The following CAPRIN1 variants were observed in gnomAD, a reference collection of about 807,000 sequenced individuals.
CAPRIN1 encodes the protein cell cycle associated protein 1.
Under a neutral mutation model 100.9 loss-of-function variants are expected in CAPRIN1, and 29 were observed. The observed-to-expected ratio is 0.29, with a 90% CI of 0.21 to 0.39. CAPRIN1 has a LOEUF of 0.39. Among genes scored for constraint, CAPRIN1 ranks in the 10% least tolerant of loss-of-function variants. The pLI, the probability that CAPRIN1 is intolerant of heterozygous loss-of-function variation, is 1.00. For synonymous variants in CAPRIN1, 338 were observed against 307.5 expected, an observed-to-expected ratio of 1.10 and a Z score of -1.04; for missense variants, 795 against 876.7, an observed-to-expected ratio of 0.91 and a Z score of 1.18.
intron 18 of CAPRIN1, chr11:34,098,955 G>A: frequency 9.0e-7 from 1 of 1,113,092 alleles, no homozygotes; most frequent in Non-Finnish European, 1.1e-6. Context: ...TAAGCTCCAT[G>A]AGAGCAGGTA....
intron 2 of CAPRIN1, among the ~76,000 whole-genome samples, chr11:34,066,396 C>T (rs148936021): frequency 0.083 from 12,462 of 150,828 alleles, 522 homozygotes; most frequent in Non-Finnish European, 0.092. Flanking sequence ...TGCAGTGGCA[C>T]GATCTTGGCT....
At chr11:34,091,063 G>T (rs925193671) in intron 14 of CAPRIN1, among the ~76,000 whole-genome samples, 34 of 152,228 alleles carry the variant, frequency 2.2e-4, no homozygotes, top group African/African-American at 7.5e-4. Context: ...CAGATGTTAT[G>T]CTTTACCTTG....
intron 15 of CAPRIN1, among the ~76,000 whole-genome samples, chr11:34,094,831 A>G (rs1851337224): frequency 6.6e-6 from 1 of 151,920 alleles, no homozygotes; most frequent in African/African-American, 2.4e-5. Flanking sequence ...AATAAAATAA[A>G]GATCACACTT....
intron 2 of CAPRIN1, among the ~76,000 whole-genome samples, chr11:34,063,672 C>T (rs1850627662): frequency 6.6e-6 from 1 of 152,052 alleles, no homozygotes; most frequent in Admixed American, 6.6e-5. Flanking sequence ...CATATGTGTG[C>T]TGTAAATGGA....
intron 7 of CAPRIN1, among the ~76,000 whole-genome samples, chr11:34,080,107 T>C (rs1850994755): frequency 6.6e-6 from 1 of 151,980 alleles, no homozygotes; most frequent in Admixed American, 6.5e-5. Flanking sequence ...GAATTTTTAG[T>C]AAAGACGGGG....
chr11:34,053,330 G>A (rs751796850), intron 2 of CAPRIN1: 2 of 191,554 alleles, frequency 1.0e-5, no homozygotes, highest in Non-Finnish European at 1.9e-5. Context: ...TCAATCGCGA[G>A]ATGATTTTCT....
chr11:34,079,904 AGTTTTTTTTTTT>A, intron 7 of CAPRIN1, 139 bp downstream of exon 7: 3 of 496,814 alleles, frequency 6.0e-6, no homozygotes, highest in Non-Finnish European at 9.4e-6. Context: ...AGCATGACAA[AGTTTTTTTTTTT>A]TTTTTTTTTT....
At chr11:34,090,130 G>C (rs1377525493) in intron 12 of CAPRIN1, 49 bp from the exon 13 acceptor site, 4 of 1,222,810 alleles carry the variant, frequency 3.3e-6, no homozygotes, top group Non-Finnish European at 4.8e-6. Context: ...TTTTTTAACA[G>C]TCAATTTTGT....
intron 2 of CAPRIN1, among the ~76,000 whole-genome samples, chr11:34,064,148 G>A (rs1359873846): frequency 6.6e-6 from 1 of 152,116 alleles, no homozygotes; most frequent in East Asian, 1.9e-4. Flanking sequence ...TGTTTCATGA[G>A]TAGCTGACCA....
At chr11:34,064,986 GTC>G (rs1850658717) in intron 2 of CAPRIN1, among the ~76,000 whole-genome samples, 1 of 115,690 alleles carries the variant, frequency 8.6e-6, no homozygotes, top group Non-Finnish European at 1.7e-5. Context: ...TTGAGATGGA[GTC>G]TCGCTCTGTT....
intron 11 of CAPRIN1, 107 bp from the exon 12 acceptor site, chr11:34,089,283 CAAAAA>C (rs547881239): frequency 2.9e-3 from 63 of 21,518 alleles, no homozygotes; most frequent in African/African-American, 5.0e-3. Context: ...CCCCCCCCCG[CAAAAA>C]AAAAAAAAAA....
intron 2 of CAPRIN1, among the ~76,000 whole-genome samples, chr11:34,056,734 A>G (rs1485245689): frequency 6.6e-6 from 1 of 152,202 alleles, no homozygotes; most frequent in African/African-American, 2.4e-5. Context: ...GATATAGAAT[A>G]AAGGATGTTT....
rs1851466502 is a variant in CAPRIN1, at chr11:34,102,427, A to G, written c.*3060A>G. ...TAGTTGATTATAAGTTAGATTTCACAGAATCAGTATTGCCCTTGATCTTGT... is the reference window on the plus strand; with the variant it reads ...TAGTTGATTATAAGTTAGATTTCACGGAATCAGTATTGCCCTTGATCTTGT... On this transcript the variant is annotated 3_prime_UTR_variant, in exon 19 of 19. Transcript: ENST00000341394. 6.6e-6 allele frequency among the ~76,000 whole-genome samples: 1 copy of G among 152,244 alleles called. No individual in the cohort carries two copies. The highest frequency in any genetic ancestry group is 2.4e-5 in the African/African-American group (1 of 41,462).
At chr11:34,071,338 T>G (rs1590729426) in intron 2 of CAPRIN1, among the ~76,000 whole-genome samples, 1 of 152,152 alleles carries the variant, frequency 6.6e-6, no homozygotes. Context: ...CCGAGGCAGG[T>G]GGATCACCTG....
intron 15 of CAPRIN1, among the ~76,000 whole-genome samples, chr11:34,095,348 C>A (rs1488960886): frequency 9.9e-5 from 15 of 152,184 alleles, no homozygotes; most frequent in African/African-American, 3.4e-4. Context: ...CATTCACTTA[C>A]AATTTTAAAT....
In CAPRIN1 at chr11:34,102,353, GCTC is replaced by G. The variant is rs1285338708; in HGVS notation, c.*2989_*2991del. ...TTCAAACCCTTCATTTTATGTTTAA[GCTC>G]CTGAATCTGCATTCCACTTGGGTTG... On this transcript the variant is annotated 3_prime_UTR_variant, in exon 19 of 19. Transcript: ENST00000341394. 1.3e-5 allele frequency among the ~76,000 whole-genome samples: 2 copies of G among 152,112 alleles called. No homozygotes were observed. Among genetic ancestry groups the G allele is most frequent in the African/African-American group, 4.8e-5 (2 of 41,398 alleles).
At chr11:34,059,156 A>G (rs143535204) in intron 2 of CAPRIN1, among the ~76,000 whole-genome samples, 237 of 152,352 alleles carry the variant, frequency 1.6e-3, no homozygotes, top group Middle Eastern at 6.8e-3. Context: ...GTAGAGTTCA[A>G]AATTCAAACT....
rs972760681 is a variant in CAPRIN1 at position 34,101,368 on chromosome 11, A to G, written c.*2001A>G. Among the ~76,000 whole-genome samples the G allele has an allele frequency of 6.6e-6, 1 of 152,196 alleles. No homozygotes were observed. Among genetic ancestry groups the G allele is most frequent in the Non-Finnish European group, 1.5e-5 (1 of 68,014 alleles). Reference sequence around the variant, plus strand: ...AGATGATGTATGCTTGCAGTCCTATATAAAACTAAATTTGCTATCTGTGTA... The same window carrying G: ...AGATGATGTATGCTTGCAGTCCTATGTAAAACTAAATTTGCTATCTGTGTA... On this transcript the variant is annotated 3_prime_UTR_variant, in exon 19 of 19. Transcript: ENST00000341394.
intron 2 of CAPRIN1, among the ~76,000 whole-genome samples, chr11:34,068,137 A>G (rs908901658): frequency 1.3e-5 from 2 of 152,206 alleles, no homozygotes; most frequent in African/African-American, 4.8e-5. Context: ...GACTAAAATG[A>G]GTGGAACCAC....
Sources: allele counts gnomAD v4.1 joint callset (sites outside exome capture counted in the v4.1 genomes callset), GRCh38; gene constraint gnomAD v4.1.1; transcripts MANE v1.5; gene names NCBI Gene and HGNC (gene_info 2026-07-23, HGNC 2026-07-21).